LLGL2: variants seen among roughly 807,000 people sequenced by gnomAD.
LLGL2 encodes LLGL scribble cell polarity complex component 2.
A neutral mutation model predicts 123.2 loss-of-function variants in LLGL2; 81 were observed. The ratio of observed to expected loss-of-function variants is 0.66; its 90% CI spans 0.55 to 0.79. LLGL2 has a LOEUF of 0.79. Among genes scored for constraint, LLGL2 ranks in the 30% least tolerant of loss-of-function variants. The pLI is 0.00. For synonymous variants in LLGL2, 577 were observed against 594.1 expected (o/e 0.97, Z 0.42); for missense variants, 1,273 against 1,414.6 (o/e 0.90, Z 1.61).
chr17:75,541,047 A>G (rs1200592707), intron 1 of LLGL2, among the ~76,000 whole-genome samples: 1 of 152,188 alleles, frequency 6.6e-6, no homozygotes, highest in Non-Finnish European at 1.5e-5. Context: ...ACTGCACAGC[A>G]GGTGCCCCAG....
chr17:75,543,595 G>GTGA, intron 2 of LLGL2, 94 bp downstream of exon 2: 1 of 915,404 alleles, frequency 1.1e-6, no homozygotes, highest in Non-Finnish European at 1.6e-6. Flanking sequence ...TTAAGGTATA[G>GTGA]CTCTTATGTG....
intron 10 of LLGL2, among the ~76,000 whole-genome samples, chr17:75,567,723 C>G (rs139853128): frequency 0.017 from 2,534 of 152,136 alleles, 73 homozygotes; most frequent in African/African-American, 0.058. Flanking sequence ...GGGAAGATCA[C>G]TTGAGCCCAG....
intron 2 of LLGL2, among the ~76,000 whole-genome samples, chr17:75,543,795 A>G (rs527557447): frequency 6.6e-6 from 1 of 152,276 alleles, no homozygotes; most frequent in South Asian, 2.1e-4. Flanking sequence ...TCATGGGAAT[A>G]AAACGATCTG....
At position 75,571,746 on chromosome 17, in the gene LLGL2, C is replaced by T. The variant is rs761815831; in HGVS notation, c.2256C>T (p.Ala752=). 36 of 1,608,782 alleles carry T rather than the reference C, an allele frequency of 2.2e-5. No homozygotes were observed. Among genetic ancestry groups the T allele is most frequent in the South Asian group, 1.3e-4 (12 of 91,082 alleles). The change falls in exon 18 of 26, where the codon GCC becomes GCT. Residue 752 remains alanine, a synonymous_variant. Coordinates refer to ENST00000392550, the MANE Select transcript of LLGL2 (RefSeq NM_001031803.2). The stretch of plus-strand genomic sequence containing the variant: ...CCTTCTCCCTGCGTGTGCCTCCCGC[C>T]GAGCGGAGAATGGATGAGCCTGTGC... ...IYAFSLRVPP[A]ERRMDEPVRA...
intron 17 of LLGL2, 102 bp from the exon 18 acceptor site, chr17:75,571,565 C>T (rs59767963): frequency 0.079 from 66,050 of 840,940 alleles, 2,859 homozygotes; most frequent in Middle Eastern, 0.14. Context: ...GAGAGCCTTC[C>T]AGCCTCTCCC....
Position 75,559,433 on chromosome 17 carries a change from G to C in LLGL2, c.530+23G>C. The C allele has an allele frequency of 1.3e-6, 2 of 1,580,042 alleles. No individual in the cohort carries two copies. Among genetic ancestry groups the C allele is most frequent in the Non-Finnish European group, 1.7e-6 (2 of 1,163,676 alleles). The stretch of plus-strand genomic sequence containing the variant: ...GCGGTGAGCCCAGAGCCCAGCTGCT[G>C]TTAACTCCATCCCCTCAAGTTAGGC... On this transcript the variant is annotated intron_variant, in intron 6 of 25. Transcript: ENST00000392550. This position sits in a 1 kb window ranked among gnomAD's most constrained non-coding sequence, Gnocchi z 4.6.
rs374809535 is a variant in LLGL2 at position 75,559,379 on chromosome 17, C to G, written c.499C>G (p.Arg167Gly). The G allele has an allele frequency of 6.2e-7, 1 of 1,612,526 alleles. No homozygotes were observed. The highest frequency in any genetic ancestry group is 8.5e-7 in the Non-Finnish European group (1 of 1,179,592). Residue 167 changes from arginine (R) to glycine (G), a missense_variant, in exon 6 of 26, where the codon CGG becomes GGG. Coordinates refer to ENST00000392550, the MANE Select transcript of LLGL2 (RefSeq NM_001031803.2). This position sits in a 1 kb window ranked among gnomAD's most constrained non-coding sequence, Gnocchi z 4.6. ...GCCAGCTTTTCGTGCGCTGGAGGAC[C>G]GGACCATCAGCTCGGACGCGGTGCT... is the stretch of plus-strand genomic sequence containing the variant. ...QLPAFRALED[R>G]TISSDAVLQR...
rs1408799294 is a variant in LLGL2 at position 75,558,614 on chromosome 17, C to T, written c.358C>T (p.Arg120Cys). ...ELQEDESFTL[R>C]GPPGAAPSAT... ...GCAGGAGGATGAGAGCTTCACACTG[C>T]GTGGACCCCCAGGGTAAGGGCTCAA... Residue 120 changes from arginine to cysteine, a missense_variant, in exon 5 of 26, where the codon CGT becomes TGT. Transcript: ENST00000392550. This position sits in a 1 kb window ranked among gnomAD's most constrained non-coding sequence, Gnocchi z 4.0. 3 of 1,604,534 alleles carry T rather than the reference C, an allele frequency of 1.9e-6. No homozygotes were observed. The highest frequency in any genetic ancestry group is 2.6e-6 in the Non-Finnish European group (3 of 1,175,832).
chr17:75,557,753 TGCCAAGACTAATGG>T, intron 3 of LLGL2: 1 of 339,804 alleles, frequency 2.9e-6, no homozygotes. Flanking sequence ...CAATCCCTGG[TGCCAAGACTAATGG>T]GCCAAGGCTG....
At chr17:75,560,845 A>AT (rs201231487) in intron 6 of LLGL2, among the ~76,000 whole-genome samples, 4 of 133,314 alleles carry the variant, frequency 3.0e-5, no homozygotes, top group South Asian at 2.3e-4. Flanking sequence ...AAGAAAAAAC[A>AT]TTTTTTTTGA....
rs1284960989 is a variant in LLGL2 at position 75,573,516 on chromosome 17, TTCTC to T, written c.2768_2771del (p.Leu923ProfsTer52). On this transcript the variant is annotated frameshift_variant, in exon 21 of 26. Coordinates refer to ENST00000392550, the MANE Select transcript of LLGL2 (RefSeq NM_001031803.2). LOFTEE classifies it high-confidence loss of function. ...GATCTCACCCTCGGAGTTTGAGCGC[TTCTC>T]TCTCTCCACCAAGTGGCTGGTGGAG... 1.9e-6 allele frequency: 3 copies of T among 1,612,550 alleles called. No individual in the cohort carries two copies. In the African/African-American group the frequency reaches 4.0e-5, roughly 22 times the overall value.
Position 75,574,952 on chromosome 17 carries a change from G to T in LLGL2, c.*74G>T. The T allele has an allele frequency of 6.2e-7, 1 of 1,607,614 alleles. No individual in the cohort carries two copies. The highest frequency in any genetic ancestry group is 8.5e-7 in the Non-Finnish European group (1 of 1,174,780). On this transcript the variant is annotated 3_prime_UTR_variant, in exon 26 of 26. Transcript: ENST00000392550. ...CCTTTCGGGGGTCCCTGCCCCAACCGGAGAGGCCGGTGCACAGGGCCCCGC... is the reference window on the plus strand; with the variant it reads ...CCTTTCGGGGGTCCCTGCCCCAACCTGAGAGGCCGGTGCACAGGGCCCCGC...
At chr17:75,565,547 A>G (rs569688831) in intron 10 of LLGL2, among the ~76,000 whole-genome samples, 2 of 152,326 alleles carry the variant, frequency 1.3e-5, no homozygotes, top group Non-Finnish European at 2.9e-5. Flanking sequence ...CCATGTTGGC[A>G]CAGAGCGGGG....
intron 2 of LLGL2, among the ~76,000 whole-genome samples, chr17:75,545,394 A>G (rs2054379306): frequency 1.3e-5 from 2 of 152,128 alleles, no homozygotes. Flanking sequence ...TCTGCCCTCC[A>G]CTTTTACAGT....
rs1458943210 is a variant in LLGL2 at position 75,541,015 on chromosome 17, G to A, written c.-30-2382G>A. On this transcript the variant is annotated intron_variant, in intron 1 of 25. Transcript: ENST00000392550. ...TGTTTTAAATGGAATAGGATGCAGAGGGTCTGGTACACTCACTCCCTACTG... is the reference window on the plus strand; with the variant it reads ...TGTTTTAAATGGAATAGGATGCAGAAGGTCTGGTACACTCACTCCCTACTG... Among the ~76,000 whole-genome samples the A allele has an allele frequency of 2.0e-5, 3 of 152,224 alleles. No homozygotes were observed. In the East Asian group the frequency reaches 5.8e-4, roughly 29 times the overall value.
In LLGL2 at chr17:75,541,324, G is replaced by A. The variant is rs905660384; in HGVS notation, c.-30-2073G>A. 2.6e-5 allele frequency among the ~76,000 whole-genome samples: 4 copies of A among 152,360 alleles called. No homozygotes were observed. In the East Asian group the frequency reaches 7.7e-4, roughly 29 times the overall value. On this transcript the variant is annotated intron_variant, in intron 1 of 25. Transcript: ENST00000392550. ...AGTGACCTTGGCCTGGGCCCCGGGT[G>A]GGGGTGTGAGCCCTCCAGGAGTCCA... is the stretch of plus-strand genomic sequence containing the variant.
intron 1 of LLGL2, among the ~76,000 whole-genome samples, chr17:75,527,090 G>T (rs1266614230): frequency 1.3e-5 from 2 of 150,474 alleles, no homozygotes; most frequent in African/African-American, 2.5e-5. Context: ...GATTGCCTGA[G>T]CCCAGGAGGT....
chr17:75,571,134 G>A (rs115113002), intron 17 of LLGL2, 34 bp downstream of exon 17: 2 of 1,262,624 alleles, frequency 1.6e-6, no homozygotes, highest in Non-Finnish European at 2.3e-6. Flanking sequence ...GGGGCAGGGG[G>A]TAGTGGGCAG....
intron 12 of LLGL2, 42 bp from the exon 13 acceptor site, chr17:75,568,924 TGGGCATCCCGGC>T (rs748626837): frequency 4.7e-5 from 74 of 1,583,330 alleles, no homozygotes; most frequent in Non-Finnish European, 6.2e-5. Flanking sequence ...AGCCAGCCCC[TGGGCATCCCGGC>T]TGGCATCCCT....
Sources: gnomAD v4.1 joint callset for allele counts (sites outside exome capture counted in the v4.1 genomes callset) on GRCh38, gnomAD v4.1.1 for gene constraint, Gnocchi (gnomAD v3.1) non-coding constraint, MANE v1.5 for transcripts, NCBI Gene and HGNC (gene_info 2026-07-23, HGNC 2026-07-21) for gene names.